The following LYST variants were observed in gnomAD, a reference collection of about 807,000 sequenced individuals.
The protein encoded by LYST is lysosomal trafficking regulator, also known as lysosomal-trafficking regulator.
In LYST, 192 loss-of-function variants were observed where a neutral mutation model predicts 413.6. The observed-to-expected ratio is 0.46, with a 90% CI of 0.41 to 0.52. The LOEUF (loss-of-function observed/expected upper bound fraction) is 0.52. LYST is among the 20% of genes least tolerant of loss of function. The pLI is 0.00. For synonymous variants in LYST, 1,525 were observed against 1,567.3 expected, an observed-to-expected ratio of 0.97 and a Z score of 0.64; for missense variants, 3,815 against 4,499.9, an observed-to-expected ratio of 0.85 and a Z score of 4.35.
chr1:235,706,361 C>A (rs968576042), intron 44 of LYST, among the ~76,000 whole-genome samples: 2 of 152,180 alleles, frequency 1.3e-5, no homozygotes, highest in African/African-American at 4.8e-5. Flanking sequence ...CAAAGGGACA[C>A]AGAGGAATCT....
intron 1 of LYST, among the ~76,000 whole-genome samples, chr1:235,861,604 G>A (rs1042553572): frequency 6.6e-6 from 1 of 152,062 alleles, no homozygotes; most frequent in African/African-American, 2.4e-5. Context: ...TTATTTCCTG[G>A]TTCTTAAAGT....
In LYST at chr1:235,662,753, T is replaced by C; in HGVS notation, c.*187A>G. On this transcript the variant is annotated 3_prime_UTR_variant, in exon 53 of 53. Transcript: ENST00000389793. ...ACAATCTTCCAGATTATCACTAAAA[T>C]AGAACAGAACTTTCCTCTTAGGATC... is the stretch of plus-strand genomic sequence containing the variant. The C allele has an allele frequency of 1.5e-6, 1 of 682,728 alleles. No homozygotes were observed. The highest frequency in any genetic ancestry group is 2.7e-6 in the Non-Finnish European group (1 of 373,760). The allele number at this position is 682,728 out of a possible 1,614,324, so 42.3% of individuals were successfully genotyped here.
chr1:235,667,129 T>C (rs1004388440), intron 50 of LYST, among the ~76,000 whole-genome samples: 2 of 152,242 alleles, frequency 1.3e-5, no homozygotes, highest in Non-Finnish European at 2.9e-5. Context: ...ATTGCTCGAA[T>C]GTATAATTTA....
At chr1:235,740,272 A>G (rs1665241902) in intron 31 of LYST, among the ~76,000 whole-genome samples, 1 of 152,196 alleles carries the variant, frequency 6.6e-6, no homozygotes, top group South Asian at 2.1e-4. Context: ...CTATTGAGGT[A>G]TAACTTACAT....
intron 3 of LYST, among the ~76,000 whole-genome samples, chr1:235,816,457 T>TAAAAAAAAAAAAA (rs1231395765): frequency 1.9e-5 from 2 of 103,392 alleles, no homozygotes; most frequent in Admixed American, 8.7e-5. Context: ...AATAAATAAA[T>TAAAAAAAAAAAAA]AAAAAATAAA....
intron 44 of LYST, among the ~76,000 whole-genome samples, chr1:235,706,755 T>C (rs1160576907): frequency 6.6e-6 from 1 of 152,232 alleles, no homozygotes; most frequent in Non-Finnish European, 1.5e-5. Context: ...AGCATTTATC[T>C]TCTATTAGAA....
At chr1:235,725,462 T>C (rs1663777562) in intron 38 of LYST, among the ~76,000 whole-genome samples, 2 of 151,658 alleles carry the variant, frequency 1.3e-5, no homozygotes, top group African/African-American at 4.8e-5. Context: ...AAAATAAAAA[T>C]AAAGAGGATT....
At chr1:235,677,875 T>C (rs1207564393) in intron 48 of LYST, among the ~76,000 whole-genome samples, 3 of 152,172 alleles carry the variant, frequency 2.0e-5, no homozygotes, top group Admixed American at 1.3e-4. Context: ...AGTTGTAATA[T>C]TGCCACATAA....
At chr1:235,753,298 A>G (rs1474550558) in intron 25 of LYST, 24 bp from the exon 26 acceptor site, 3 of 1,310,810 alleles carry the variant, frequency 2.3e-6, no homozygotes, top group Non-Finnish European at 2.2e-6. Context: ...TACAGTTAAG[A>G]GCACATTAGA....
At position 235,801,113 on chromosome 1, in the gene LYST, C is replaced by T. The variant is rs1430407154; in HGVS notation, c.3713-16G>A. The T allele has an allele frequency of 9.0e-6, 13 of 1,446,976 alleles. No homozygotes were observed. The highest frequency in any genetic ancestry group is 2.3e-5 in the East Asian group (1 of 43,970). The allele number at this position is 1,446,976 out of a possible 1,614,324, so 89.6% of individuals were successfully genotyped here. ...AAGTCTACCCCTGAAAAGAGAAAAGCGAAAGATTACTTGTATTCCCTAAAC... is the reference window on the plus strand; with the variant it reads ...AAGTCTACCCCTGAAAAGAGAAAAGTGAAAGATTACTTGTATTCCCTAAAC... On this transcript the variant is annotated splice_polypyrimidine_tract_variant and intron_variant, in intron 8 of 52. Coordinates refer to ENST00000389793, the MANE Select transcript of LYST (RefSeq NM_000081.4).
chr1:235,857,695 GTA>G (rs955140112), intron 1 of LYST, among the ~76,000 whole-genome samples: 1 of 144,386 alleles, frequency 6.9e-6, no homozygotes, highest in African/African-American at 2.6e-5. Flanking sequence ...GCACACAGGT[GTA>G]TATATATACA....
At chr1:235,708,994 T>C in intron 44 of LYST, 97 bp downstream of exon 44, 3 of 1,059,636 alleles carry the variant, frequency 2.8e-6, no homozygotes, top group Non-Finnish European at 4.4e-6. Flanking sequence ...TTCTCTTTGA[T>C]AACTTGAGTG....
At chr1:235,813,589 A>T (rs1234174051) in intron 3 of LYST, among the ~76,000 whole-genome samples, 3 of 152,198 alleles carry the variant, frequency 2.0e-5, no homozygotes, top group African/African-American at 4.8e-5. Context: ...GTCCACAAAA[A>T]TACTGTCTTA....
chr1:235,824,793 G>A (rs1384474688), intron 3 of LYST, among the ~76,000 whole-genome samples: 2 of 152,058 alleles, frequency 1.3e-5, no homozygotes, highest in African/African-American at 2.4e-5. Context: ...TGGCTGAGGC[G>A]GGTGGATCAC....
At position 235,806,812 on chromosome 1, in the gene LYST, G is replaced by T. The variant is rs775593084; in HGVS notation, c.2364-40C>A. 4.5e-6 allele frequency: 6 copies of T among 1,329,600 alleles called. No individual in the cohort carries two copies. The East Asian group carries it at 1.2e-4, about 26-fold the overall frequency. 82.4% of individuals were successfully genotyped at this position (1,329,600 alleles called of 1,614,324 possible). On this transcript the variant is annotated intron_variant, in intron 5 of 52. Transcript: ENST00000389793. ...AAGCATGTAAAAAGGTTTAAATAAA[G>T]AAACATCATTTATAAATAGGTACAT...
intron 48 of LYST, among the ~76,000 whole-genome samples, chr1:235,685,024 G>A (rs1183086325): frequency 2.6e-5 from 4 of 151,936 alleles, no homozygotes; most frequent in Non-Finnish European, 5.9e-5. Flanking sequence ...TCCCCAACAC[G>A]TTACACTCTA....
chr1:235,821,341 G>A (rs1414181057), intron 3 of LYST, among the ~76,000 whole-genome samples: 2 of 152,194 alleles, frequency 1.3e-5, no homozygotes, highest in African/African-American at 2.4e-5. Flanking sequence ...GGAGGCTGAG[G>A]TGGGAGGATT....
intron 47 of LYST, among the ~76,000 whole-genome samples, chr1:235,689,678 C>T (rs941730933): frequency 6.6e-6 from 1 of 152,136 alleles, no homozygotes; most frequent in Admixed American, 6.6e-5. Flanking sequence ...AAAATGCTAA[C>T]TATGTGAGGT....
intron 14 of LYST, among the ~76,000 whole-genome samples, chr1:235,785,666 A>G (rs1019931329): frequency 5.3e-5 from 8 of 152,190 alleles, no homozygotes; most frequent in African/African-American, 1.9e-4. Flanking sequence ...TGGCATTCAA[A>G]GCCTGTTAAG....
Sources: allele counts gnomAD v4.1 joint callset (sites outside exome capture counted in the v4.1 genomes callset), GRCh38; gene constraint gnomAD v4.1.1; transcripts MANE v1.5; gene names NCBI Gene and HGNC (gene_info 2026-07-23, HGNC 2026-07-21).